CD9: variants seen among roughly 807,000 people sequenced by gnomAD.
CD9 encodes the protein CD9 molecule, also known as CD9 antigen.
In CD9, 10 loss-of-function variants were observed where a neutral mutation model predicts 31.4. That is an observed-to-expected ratio of 0.32 (90% CI 0.20 to 0.54). The LOEUF (loss-of-function observed/expected upper bound fraction) is 0.54, where lower values mean the gene tolerates loss of function less well. CD9 is among the 20% of genes least tolerant of loss of function. The pLI is 0.94. For synonymous variants in CD9, 113 were observed against 114.1 expected (o/e 0.99, Z 0.06); for missense variants, 259 against 300.1 (o/e 0.86, Z 1.01).
chr12:6,216,329 G>A (rs1037102571), intron 1 of CD9, among the ~76,000 whole-genome samples: 6 of 152,234 alleles, frequency 3.9e-5, no homozygotes, highest in African/African-American at 1.4e-4. Flanking sequence ...TGCATCCCCA[G>A]TATTTGGTGT....
At chr12:6,223,593 G>A (rs1041351659) in intron 1 of CD9, among the ~76,000 whole-genome samples, 1 of 152,158 alleles carries the variant, frequency 6.6e-6, no homozygotes, top group Non-Finnish European at 1.5e-5. Context: ...AGGGACCTGG[G>A]GGGGGACCCA....
At chr12:6,223,152 G>C (rs1487397689) in intron 1 of CD9, among the ~76,000 whole-genome samples, 1 of 152,174 alleles carries the variant, frequency 6.6e-6, no homozygotes, top group Non-Finnish European at 1.5e-5. Context: ...CAGTTTTCAG[G>C]TTAACGCTTT....
intron 1 of CD9, among the ~76,000 whole-genome samples, chr12:6,220,176 G>A (rs1395550887): frequency 2.0e-5 from 3 of 152,196 alleles, no homozygotes; most frequent in African/African-American, 7.2e-5. Context: ...CCATTTGCAT[G>A]GGAGGAATGG....
rs61523647 is a variant in CD9, at chr12:6,223,597, G to T, written c.67-1829G>T. Among the ~76,000 whole-genome samples, 112 of 151,488 alleles carry T rather than the reference G, an allele frequency of 7.4e-4. 3 individuals are homozygous for T. In the East Asian group the frequency reaches 0.02, roughly 28 times the overall value. ...TTTTAATGCTCAGGGACCTGGGGGG[G>T]GACCCAGGCCAGGACTTGCCATGTA... On this transcript the variant is annotated intron_variant, in intron 1 of 7. Coordinates refer to ENST00000009180, the MANE Select transcript of CD9 (RefSeq NM_001769.4).
chr12:6,219,124 G>C (rs569865461), intron 1 of CD9, among the ~76,000 whole-genome samples: 1 of 152,102 alleles, frequency 6.6e-6, no homozygotes, highest in African/African-American at 2.4e-5. Flanking sequence ...TCCTGCCTCA[G>C]CCTCCCAAGT....
intron 4 of CD9, chr12:6,234,340 T>C (rs1471857627): frequency 1.3e-5 from 2 of 152,164 alleles, no homozygotes; most frequent in East Asian, 3.9e-4. Context: ...TGTTTTGTTT[T>C]GTTCTTGAGA....
chr12:6,204,729 A>G (rs535116456), intron 1 of CD9, among the ~76,000 whole-genome samples: 5 of 152,224 alleles, frequency 3.3e-5, no homozygotes, highest in East Asian at 3.8e-4. Flanking sequence ...TGCACCAGAC[A>G]TATCTTCCAA....
chr12:6,224,881 C>T (rs1238726480), intron 1 of CD9: 2 of 152,672 alleles, frequency 1.3e-5, no homozygotes, highest in African/African-American at 4.8e-5. Context: ...AACCATCACC[C>T]AAGTCAACAG....
chr12:6,227,719 G>A (rs747115824), intron 2 of CD9, among the ~76,000 whole-genome samples: 30 of 152,166 alleles, frequency 2.0e-4, no homozygotes, highest in Non-Finnish European at 3.8e-4. Context: ...GCTGCTTCTC[G>A]GGTTGTCATT....
At chr12:6,216,230 C>T (rs925838329) in intron 1 of CD9, among the ~76,000 whole-genome samples, 5 of 152,164 alleles carry the variant, frequency 3.3e-5, no homozygotes, top group African/African-American at 7.2e-5. Context: ...GAAGTCTGTG[C>T]GAAGAGGGAG....
At chr12:6,202,251 T>C (rs1946086026) in intron 1 of CD9, among the ~76,000 whole-genome samples, 2 of 152,148 alleles carry the variant, frequency 1.3e-5, no homozygotes. Context: ...GTGTGCTCCT[T>C]CCCAACCCTT....
intron 1 of CD9, among the ~76,000 whole-genome samples, chr12:6,205,361 C>G (rs1432243592): frequency 6.6e-6 from 1 of 152,224 alleles, no homozygotes; most frequent in African/African-American, 2.4e-5. Context: ...CTACCCCCTT[C>G]TTTTCAACGT....
At chr12:6,209,802 A>T (rs1946174039) in intron 1 of CD9, among the ~76,000 whole-genome samples, 1 of 150,404 alleles carries the variant, frequency 6.6e-6, no homozygotes, top group Non-Finnish European at 1.5e-5. Flanking sequence ...CTCATGCCTC[A>T]GCCTCTTGAG....
At chr12:6,227,894 G>C (rs1339131017) in intron 2 of CD9, among the ~76,000 whole-genome samples, 2 of 152,228 alleles carry the variant, frequency 1.3e-5, no homozygotes, top group Non-Finnish European at 2.9e-5. Context: ...CAGCTGACAG[G>C]TGGGAAAGCT....
At chr12:6,208,012 G>A (rs780397581) in intron 1 of CD9, among the ~76,000 whole-genome samples, 34 of 152,214 alleles carry the variant, frequency 2.2e-4, no homozygotes, top group Admixed American at 7.2e-4. Context: ...ATCACCTGAG[G>A]TTGGGAGTTT....
chr12:6,233,843 C>T (rs1473228253), intron 4 of CD9, among the ~76,000 whole-genome samples: 2 of 151,602 alleles, frequency 1.3e-5, no homozygotes, highest in African/African-American at 4.9e-5. Flanking sequence ...GCTGGACACC[C>T]TTGCCTCCTC....
At chr12:6,236,569 C>T in intron 7 of CD9, 1 of 483,516 alleles carries the variant, frequency 2.1e-6, no homozygotes, top group Non-Finnish European at 3.6e-6. Flanking sequence ...ACTGCTAGTC[C>T]TCGGAGCATG....
intron 1 of CD9, among the ~76,000 whole-genome samples, chr12:6,213,336 C>T (rs1946211300): frequency 6.6e-6 from 1 of 152,212 alleles, no homozygotes; most frequent in Admixed American, 6.5e-5. Flanking sequence ...CTCTCGAACA[C>T]GAATTGGAGG....
At position 6,231,276 on chromosome 12, in the gene CD9, A is replaced by C. The variant is rs183732804; in HGVS notation, c.176-1356A>C. Among the ~76,000 whole-genome samples, 4 of 152,358 alleles carry C rather than the reference A, an allele frequency of 2.6e-5. No homozygotes were observed. In the East Asian group the frequency reaches 7.7e-4, roughly 29 times the overall value. ...TAACAACAGCTAGCATTTGTTGTGC[A>C]CATGTGGATTATATCACTTAATCCT... On this transcript the variant is annotated intron_variant, in intron 2 of 7. Transcript: ENST00000009180.
Sources: allele counts gnomAD v4.1 joint callset (sites outside exome capture counted in the v4.1 genomes callset), GRCh38; gene constraint gnomAD v4.1.1; transcripts MANE v1.5; gene names NCBI Gene and HGNC (gene_info 2026-07-23, HGNC 2026-07-21).